SCMH1: variants seen among roughly 807,000 people sequenced by gnomAD.
The protein encoded by SCMH1 is Scm polycomb group protein homolog 1.
In SCMH1, 37 loss-of-function variants were observed where a neutral mutation model predicts 70.8. The observed-to-expected ratio is 0.52, with a 90% CI of 0.40 to 0.69. The LOEUF is 0.69. SCMH1 is among the 30% of genes least tolerant of loss of function. SCMH1 has a pLI of 0.00. For missense variants in SCMH1, 607 were observed against 827.3 expected, an observed-to-expected ratio of 0.73 and a Z score of 3.27; for synonymous variants, 292 against 307.4, an observed-to-expected ratio of 0.95 and a Z score of 0.52.
intron 1 of SCMH1, among the ~76,000 whole-genome samples, chr1:41,190,805 C>T (rs565453593): frequency 3.3e-5 from 5 of 152,258 alleles, no homozygotes; most frequent in South Asian, 2.1e-4. Flanking sequence ...TTCTCTTCTG[C>T]GTCTCCATCT....
chr1:41,109,246 C>A (rs1668686358), intron 8 of SCMH1, among the ~76,000 whole-genome samples: 2 of 151,962 alleles, frequency 1.3e-5, no homozygotes. Flanking sequence ...TTCAGAGTTA[C>A]CAGAAGATAA....
In SCMH1 at chr1:41,240,719, G is replaced by A. The variant is rs1663331792; in HGVS notation, c.-118+1340C>T. ...CACAAAATAAGATGTCTTTTAGTTT[G>A]TTTGAACAAACACTACTAAATGTTT... On this transcript the variant is annotated intron_variant, in intron 1 of 14. Transcript: ENST00000337495. Among the ~76,000 whole-genome samples the A allele has an allele frequency of 2.7e-5, 4 of 148,944 alleles. No individual in the cohort carries two copies. In the South Asian group the frequency reaches 8.6e-4, roughly 32 times the overall value.
intron 8 of SCMH1, among the ~76,000 whole-genome samples, chr1:41,087,348 G>A (rs2148993535): frequency 6.6e-6 from 1 of 152,084 alleles, no homozygotes; most frequent in East Asian, 1.9e-4. Flanking sequence ...ACTTTTGCAT[G>A]AGAAACAAAT....
At chr1:41,107,904 A>G (rs796449015) in intron 8 of SCMH1, among the ~76,000 whole-genome samples, 3 of 152,364 alleles carry the variant, frequency 2.0e-5, no homozygotes, top group African/African-American at 7.2e-5. Flanking sequence ...AAACAAAAAG[A>G]GAACATTCTT....
At chr1:41,176,524 C>T (rs1046568809) in intron 2 of SCMH1, among the ~76,000 whole-genome samples, 6 of 152,236 alleles carry the variant, frequency 3.9e-5, no homozygotes, top group African/African-American at 1.4e-4. Flanking sequence ...TGACAGACGG[C>T]ACCTGGAAAA....
intron 6 of SCMH1, among the ~76,000 whole-genome samples, chr1:41,121,317 C>A (rs1035458025): frequency 5.3e-5 from 8 of 152,104 alleles, no homozygotes; most frequent in African/African-American, 1.9e-4. Flanking sequence ...AATAGCAGAG[C>A]CAGGATTTGA....
At chr1:41,086,221 A>C (rs1015166835) in intron 8 of SCMH1, among the ~76,000 whole-genome samples, 5 of 152,198 alleles carry the variant, frequency 3.3e-5, no homozygotes, top group African/African-American at 9.7e-5. Flanking sequence ...ATCCCTATAA[A>C]ATCAGTGATG....
chr1:41,110,138 G>C (rs1285530625), intron 8 of SCMH1, among the ~76,000 whole-genome samples: 2 of 152,178 alleles, frequency 1.3e-5, no homozygotes, highest in Non-Finnish European at 2.9e-5. Context: ...TCACAGAGAG[G>C]AGTGGCACTT....
chr1:41,059,393 G>A (rs1250873807), intron 10 of SCMH1, among the ~76,000 whole-genome samples: 1 of 152,180 alleles, frequency 6.6e-6, no homozygotes, highest in Non-Finnish European at 1.5e-5. Flanking sequence ...AGCAGAGAAG[G>A]AGGGAAGAGA....
chr1:41,228,571 C>A (rs572093806), intron 1 of SCMH1, among the ~76,000 whole-genome samples: 1 of 151,790 alleles, frequency 6.6e-6, no homozygotes, highest in Non-Finnish European at 1.5e-5. Flanking sequence ...TCACTTAAGC[C>A]TAGGAGTTCA....
At chr1:41,107,360 A>G (rs1668208230) in intron 8 of SCMH1, among the ~76,000 whole-genome samples, 1 of 152,014 alleles carries the variant, frequency 6.6e-6, no homozygotes, top group South Asian at 2.1e-4. Flanking sequence ...AACTGAGCCA[A>G]TGACTAGTAC....
At chr1:41,237,177 G>T (rs1180691849) in intron 1 of SCMH1, among the ~76,000 whole-genome samples, 1 of 152,154 alleles carries the variant, frequency 6.6e-6, no homozygotes, top group Non-Finnish European at 1.5e-5. Flanking sequence ...GAGGAACTCA[G>T]GTTTCCTTTA....
chr1:41,202,155 C>T (rs996844158), intron 1 of SCMH1, among the ~76,000 whole-genome samples: 1 of 152,082 alleles, frequency 6.6e-6, no homozygotes, highest in Non-Finnish European at 1.5e-5. Flanking sequence ...CCTGTCTTAG[C>T]CTCCCGAGTA....
intron 8 of SCMH1, among the ~76,000 whole-genome samples, chr1:41,108,013 T>C (rs1423209854): frequency 6.6e-6 from 1 of 152,226 alleles, no homozygotes; most frequent in Non-Finnish European, 1.5e-5. Flanking sequence ...AGTGTAAGAA[T>C]CCTGTACGTG....
chr1:41,061,707 T>C (rs1571653173), intron 10 of SCMH1, among the ~76,000 whole-genome samples: 1 of 152,190 alleles, frequency 6.6e-6, no homozygotes, highest in Admixed American at 6.5e-5. Flanking sequence ...TTGAACTCAA[T>C]AGCCCCTCAA....
chr1:41,225,966 A>C (rs1398016715), intron 1 of SCMH1, among the ~76,000 whole-genome samples: 1 of 152,224 alleles, frequency 6.6e-6, no homozygotes, highest in African/African-American at 2.4e-5. Flanking sequence ...GGGAGCAAGG[A>C]GGCAGAGTCC....
intron 5 of SCMH1, among the ~76,000 whole-genome samples, chr1:41,147,526 C>T (rs1215241072): frequency 6.6e-6 from 1 of 152,052 alleles, no homozygotes; most frequent in Non-Finnish European, 1.5e-5. Context: ...ATATGTTGGA[C>T]AGTATTCTAT....
intron 1 of SCMH1, among the ~76,000 whole-genome samples, chr1:41,240,735 CTAAA>C (rs1663335596): frequency 1.4e-5 from 2 of 148,084 alleles, no homozygotes; most frequent in African/African-American, 4.9e-5. Context: ...ACAAACACTA[CTAAA>C]TGTTTTCTTT....
At chr1:41,039,272 C>A (rs1460238810) in intron 12 of SCMH1, among the ~76,000 whole-genome samples, 1 of 152,168 alleles carries the variant, frequency 6.6e-6, no homozygotes, top group Non-Finnish European at 1.5e-5. Context: ...AGTGTCTCTT[C>A]CTTTCAGCAA....
Sources: gnomAD v4.1 joint callset for allele counts (sites outside exome capture counted in the v4.1 genomes callset) on GRCh38, gnomAD v4.1.1 for gene constraint, MANE v1.5 for transcripts, NCBI Gene and HGNC (gene_info 2026-07-23, HGNC 2026-07-21) for gene names.